TRRAP: variants seen among roughly 807,000 people sequenced by gnomAD.
The protein encoded by TRRAP is transformation/transcription domain-associated protein.
Under a neutral mutation model 438.8 loss-of-function variants are expected in TRRAP, and 41 were observed. The observed-to-expected ratio is 0.09, with a 90% CI of 0.07 to 0.12. The LOEUF (loss-of-function observed/expected upper bound fraction) is 0.12. Ranked by LOEUF, TRRAP falls within the 10% of genes least tolerant of loss-of-function variation. TRRAP has a pLI of 1.00. For synonymous variants in TRRAP, 1,994 were observed against 1,962.9 expected (o/e 1.02, Z -0.42); for missense variants, 3,122 against 5,055.1 (o/e 0.62, Z 11.60).
In TRRAP at chr7:98,897,805, G is replaced by A; in HGVS notation, c.572G>A (p.Gly191Asp). 1 of 1,614,000 alleles carries A rather than the reference G, an allele frequency of 6.2e-7. No homozygotes were observed. Among genetic ancestry groups the A allele is most frequent in the Non-Finnish European group, 8.5e-7 (1 of 1,180,008 alleles). Residue 191 changes from glycine to aspartate, a missense_variant, in exon 8 of 73, where the codon GGT becomes GAT. Gly to Asp is a moderately conservative substitution (Grantham distance 94). Transcript: ENST00000456197. ...ENTVPPPEMV[G>D]MITTIAVKVN... ...ACAGTGCCTCCCCCAGAAATGGTTG[G>A]TATGATAACAACGATTGCTGTGAAA...
At chr7:98,922,704 A>G (rs782444563) in intron 21 of TRRAP, among the ~76,000 whole-genome samples, 1 of 152,076 alleles carries the variant, frequency 6.6e-6, no homozygotes, top group Non-Finnish European at 1.5e-5. Flanking sequence ...GTTTGAGCGG[A>G]TCCACGTGAG....
chr7:98,888,612 T>C (rs1219190040), intron 3 of TRRAP, among the ~76,000 whole-genome samples: 2 of 152,240 alleles, frequency 1.3e-5, no homozygotes, highest in Non-Finnish European at 2.9e-5. Context: ...GATATGCCTT[T>C]TACACTCGTG....
At position 99,011,184 on chromosome 7, in the gene TRRAP, G is replaced by A; in HGVS notation, c.11071G>A (p.Ala3691Thr). Residue 3691 changes from alanine to threonine, a missense_variant, in exon 71 of 73, where the codon GCT becomes ACT. Transcript: ENST00000456197. This position sits in a 1 kb window ranked among gnomAD's most constrained non-coding sequence, Gnocchi z 7.1. ...CCGGAAGATGTTCACCATCCAGCTG[G>A]CTCTGATAGGCTTCGCGGAATTCGT... The part of the protein sequence containing the change: ...TFRKMFTIQL[A>T]LIGFAEFVLH... 1.2e-6 allele frequency: 2 copies of A among 1,614,102 alleles called. No individual in the cohort carries two copies. The highest frequency in any genetic ancestry group is 1.7e-6 in the Non-Finnish European group (2 of 1,180,042).
At chr7:99,000,748 G>GC (rs902310261) in intron 67 of TRRAP, among the ~76,000 whole-genome samples, 2 of 152,212 alleles carry the variant, frequency 1.3e-5, no homozygotes, top group African/African-American at 4.8e-5. Context: ...AAGGAGCAGG[G>GC]CCCACACCTT....
intron 29 of TRRAP, 67 bp from the exon 30 acceptor site, chr7:98,937,583 G>T: frequency 6.9e-7 from 1 of 1,454,692 alleles, no homozygotes; most frequent in Non-Finnish European, 9.2e-7. Context: ...GGTTGAAGAT[G>T]AGTTCTGTTC....
chr7:98,978,396 T>C, intron 57 of TRRAP, 73 bp downstream of exon 57: 1 of 1,343,450 alleles, frequency 7.4e-7, no homozygotes, highest in Non-Finnish European at 1.0e-6. Context: ...TGACCTTTTC[T>C]TGTAATGAGC....
At chr7:98,902,577 G>A (rs1234370928) in intron 11 of TRRAP, among the ~76,000 whole-genome samples, 2 of 132,812 alleles carry the variant, frequency 1.5e-5, no homozygotes, top group Non-Finnish European at 3.5e-5. Context: ...GATAATGATA[G>A]CTTACATGAA....
chr7:98,904,521 C>T (rs1796631308), intron 12 of TRRAP, among the ~76,000 whole-genome samples: 1 of 149,656 alleles, frequency 6.7e-6, no homozygotes, highest in African/African-American at 2.5e-5. Flanking sequence ...ACTTTTCATG[C>T]TTACCAGGTC....
At chr7:98,980,482 G>A (rs1792866403) in intron 58 of TRRAP, among the ~76,000 whole-genome samples, 1 of 138,624 alleles carries the variant, frequency 7.2e-6, no homozygotes, top group Admixed American at 6.8e-5. Flanking sequence ...TCTTCAGAAG[G>A]TAATGAGCCA....
Position 98,899,752 on chromosome 7 carries a change from T to C in TRRAP, c.785T>C (p.Val262Ala). Residue 262 changes from valine to alanine, a missense_variant, in exon 10 of 73, where the codon GTG becomes GCG. By Grantham distance (64) the Val-to-Ala change is moderately conservative. Around this residue, in one of 24 missense-constraint regions of TRRAP, gnomAD observed 343 missense variants for 564.0 expected, o/e 0.61. Coordinates refer to ENST00000456197, the MANE Select transcript of TRRAP (RefSeq NM_001375524.1). Reference sequence around the variant, plus strand: ...ATCATGAACACCATTGCCATTCAGGTGTCTGCACAAGCGAGGTGAGGCGTC... The same window carrying C: ...ATCATGAACACCATTGCCATTCAGGCGTCTGCACAAGCGAGGTGAGGCGTC... ...PLIMNTIAIQ[V>A]SAQARQHKLY... 3.7e-6 allele frequency: 6 copies of C among 1,614,148 alleles called. No homozygotes were observed. The highest frequency in any genetic ancestry group is 4.2e-6 in the Non-Finnish European group (5 of 1,180,020).
intron 69 of TRRAP, among the ~76,000 whole-genome samples, 187 bp from the exon 70 acceptor site, chr7:99,008,190 G>A (rs1324189840): frequency 3.9e-5 from 6 of 152,164 alleles, no homozygotes; most frequent in East Asian, 3.9e-4. Context: ...CGATCAGTTC[G>A]TGCCGTCAGA....
At chr7:98,981,087 A>AAT (rs1248131393) in intron 58 of TRRAP, among the ~76,000 whole-genome samples, 2 of 151,908 alleles carry the variant, frequency 1.3e-5, no homozygotes, top group Non-Finnish European at 2.9e-5. Flanking sequence ...ACTGGAGATT[A>AAT]ATATATATAT....
At chr7:98,992,982 GA>G (rs914078610) in intron 65 of TRRAP, among the ~76,000 whole-genome samples, 3 of 151,908 alleles carry the variant, frequency 2.0e-5, no homozygotes, top group Non-Finnish European at 4.4e-5. Context: ...GGTAAATTCA[GA>G]AAAAAATGGT....
chr7:98,894,204 C>T (rs951931209), intron 6 of TRRAP, among the ~76,000 whole-genome samples: 54 of 152,082 alleles, frequency 3.6e-4, no homozygotes, highest in African/African-American at 1.3e-3. Flanking sequence ...AAGCCAGAGC[C>T]GGGTTTGAAT....
At chr7:98,884,923 G>A (rs1010157050) in intron 3 of TRRAP, among the ~76,000 whole-genome samples, 1 of 152,130 alleles carries the variant, frequency 6.6e-6, no homozygotes, top group Non-Finnish European at 1.5e-5. Flanking sequence ...CAACTTTTTG[G>A]TTTACCTGGG....
At chr7:98,927,145 C>T (rs1554411713) in intron 22 of TRRAP, 22 bp from the exon 23 acceptor site, 1 of 1,613,868 alleles carries the variant, frequency 6.2e-7, no homozygotes, top group Non-Finnish European at 8.5e-7. Context: ...GTCGTGACAC[C>T]AGATCTGATT....
intron 30 of TRRAP, among the ~76,000 whole-genome samples, chr7:98,940,080 C>T (rs1187377196): frequency 2.6e-5 from 4 of 151,790 alleles, no homozygotes; most frequent in Non-Finnish European, 5.9e-5. Context: ...ACTGGGTTTT[C>T]ACCGTGTTGG....
rs760207616 is a variant in TRRAP, at chr7:98,965,834, G to A, written c.7115G>A (p.Arg2372Gln). ...AAATCACCAGATGCCAAAATCCTCC[G>A]GGCTGTGGTCAAAATCGTGGAAGAA... The part of the protein sequence containing the change: ...IEKSPDAKIL[R>Q]AVVKIVEEWV... Residue 2372 changes from arginine (R) to glutamine (Q), a missense_variant, in exon 49 of 73, where the codon CGG becomes CAG. By Grantham distance (43) the Arg-to-Gln change is conservative. Coordinates refer to ENST00000456197, the MANE Select transcript of TRRAP (RefSeq NM_001375524.1). 1.6e-5 allele frequency: 26 copies of A among 1,613,966 alleles called. 1 individual carries two copies. The highest frequency in any genetic ancestry group is 3.3e-5 in the South Asian group (3 of 91,092).
At chr7:98,887,729 CAAA>C (rs34834746) in intron 3 of TRRAP, among the ~76,000 whole-genome samples, 4 of 88,664 alleles carry the variant, frequency 4.5e-5, no homozygotes, top group African/African-American at 1.9e-4. Context: ...AACTCCGTCT[CAAA>C]AAAAAAAAAA....
Sources: allele counts gnomAD v4.1 joint callset (sites outside exome capture counted in the v4.1 genomes callset), GRCh38; gene constraint gnomAD v4.1.1; regional missense constraint gnomAD v4.1.1; non-coding constraint Gnocchi (gnomAD v3.1); transcripts MANE v1.5; gene names NCBI Gene and HGNC (gene_info 2026-07-23, HGNC 2026-07-21).